SLC47A1: variants seen among roughly 807,000 people sequenced by gnomAD.
SLC47A1 encodes multidrug and toxin extrusion protein 1.
A neutral mutation model predicts 65.8 loss-of-function variants in SLC47A1; 58 were observed. That is an observed-to-expected ratio of 0.88 (90% confidence interval 0.71 to 1.10). The LOEUF is 1.10. Among genes scored for constraint, SLC47A1 ranks in the 50% least tolerant of loss-of-function variants. SLC47A1 has a pLI of 0.00. For missense variants in SLC47A1, 706 were observed against 719.2 expected (o/e 0.98, Z 0.21); for synonymous variants, 285 against 295.0 (o/e 0.97, Z 0.35).
intron 2 of SLC47A1, among the ~76,000 whole-genome samples, chr17:19,545,546 A>G (rs1916265660): frequency 6.6e-6 from 1 of 151,708 alleles, no homozygotes; most frequent in Non-Finnish European, 1.5e-5. Context: ...GCTAGAGTGC[A>G]GTGGTGCAAT....
At chr17:19,567,304 T>C in intron 14 of SLC47A1, 76 bp downstream of exon 14, 1 of 1,594,398 alleles carries the variant, frequency 6.3e-7, no homozygotes, top group Non-Finnish European at 8.6e-7. Flanking sequence ...CACGGGTCTT[T>C]GACTGAGGCT....
chr17:19,543,482 A>G (rs2152312657), intron 2 of SLC47A1, among the ~76,000 whole-genome samples: 1 of 152,294 alleles, frequency 6.6e-6, no homozygotes, highest in South Asian at 2.1e-4. Flanking sequence ...GGGAACAGTA[A>G]AAGGGGAGTT....
chr17:19,560,601 TCATATCAGTAAAAAGAAAA>T, intron 12 of SLC47A1, 108 bp downstream of exon 12: 1 of 1,133,308 alleles, frequency 8.8e-7, no homozygotes, highest in Non-Finnish European at 1.3e-6. Context: ...CTGTTTGAAA[TCATATCAGTAAAAAGAAAA>T]CATCTCACTC....
chr17:19,549,229 C>T (rs1197248765), intron 4 of SLC47A1, among the ~76,000 whole-genome samples: 5 of 151,438 alleles, frequency 3.3e-5, no homozygotes, highest in South Asian at 2.1e-4. Flanking sequence ...GATGGAGTCT[C>T]GCCCTGTTGC....
chr17:19,560,326 G>T (rs767737010), intron 11 of SLC47A1, 30 bp downstream of exon 11: 1 of 1,606,916 alleles, frequency 6.2e-7, no homozygotes, highest in Non-Finnish European at 8.5e-7. Flanking sequence ...CGAGGCTCTT[G>T]GTGCAGTCTC....
chr17:19,538,165 G>A (rs1322656597), intron 1 of SLC47A1, among the ~76,000 whole-genome samples: 1 of 152,266 alleles, frequency 6.6e-6, no homozygotes, highest in Non-Finnish European at 1.5e-5. Context: ...TGGGACGCAT[G>A]CTATCCCCGT....
chr17:19,563,983 C>T (rs935092756), intron 12 of SLC47A1, among the ~76,000 whole-genome samples: 7 of 133,804 alleles, frequency 5.2e-5, no homozygotes, highest in African/African-American at 1.1e-4. Context: ...AGCGAGACTC[C>T]GTCTCAGACA....
intron 1 of SLC47A1, among the ~76,000 whole-genome samples, chr17:19,537,550 G>A (rs1916023472): frequency 6.6e-6 from 1 of 152,242 alleles, no homozygotes; most frequent in East Asian, 1.9e-4. Flanking sequence ...GGAAAGCCGG[G>A]TGAGGTCCGG....
intron 2 of SLC47A1, among the ~76,000 whole-genome samples, chr17:19,543,072 A>T (rs1352280987): frequency 1.4e-5 from 2 of 141,368 alleles, no homozygotes; most frequent in African/African-American, 5.3e-5. Context: ...GATTACAGGT[A>T]TGAGCCACCG....
intron 16 of SLC47A1, among the ~76,000 whole-genome samples, chr17:19,575,308 A>C: frequency 6.6e-6 from 1 of 152,014 alleles, no homozygotes; most frequent in South Asian, 2.1e-4. Flanking sequence ...GCTCATTAGG[A>C]AGTGGGATGG....
At position 19,555,226 on chromosome 17, in the gene SLC47A1, C is replaced by T. The variant is rs750276621; in HGVS notation, c.558C>T (p.Pro186=). Reference sequence around the variant, plus strand: ...CCTTTTTCCAGGGAATTGTACTGCCCCAGATCGTAACTGGAGTTGCAGCCA... The same window carrying T: ...CCTTTTTCCAGGGAATTGTACTGCCTCAGATCGTAACTGGAGTTGCAGCCA... ...KYLLNQGIVL[P]QIVTGVAANL... is the part of the protein sequence containing the mutation. The change falls in exon 7 of 17, where the codon CCC becomes CCT. Residue 186 remains proline (P), a synonymous_variant. Transcript: ENST00000270570. The T allele has an allele frequency of 2.5e-6, 4 of 1,614,044 alleles. No homozygotes were observed. In the South Asian group the frequency reaches 3.3e-5, roughly 13 times the overall value.
At chr17:19,559,670 T>G (rs951799671) in intron 10 of SLC47A1, among the ~76,000 whole-genome samples, 1 of 152,164 alleles carries the variant, frequency 6.6e-6, no homozygotes, top group Non-Finnish European at 1.5e-5. Flanking sequence ...TAGCTGGGAT[T>G]ACAGGCGTGC....
intron 2 of SLC47A1, among the ~76,000 whole-genome samples, chr17:19,543,158 G>A (rs1011685656): frequency 6.7e-6 from 1 of 149,480 alleles, no homozygotes. Context: ...CACCCAGGCT[G>A]GAGTGCAGTG....
At position 19,567,200 on chromosome 17, in the gene SLC47A1, G is replaced by A. The variant is rs1479624390; in HGVS notation, c.1281G>A (p.Leu427=). ...TTGGCCTCCCCATCGGGATCGCGCTGATGTTTGCAACCACACTTGGAGTGA... is the reference window on the plus strand; with the variant it reads ...TTGGCCTCCCCATCGGGATCGCGCTAATGTTTGCAACCACACTTGGAGTGA... ...YVVGLPIGIA[L]MFATTLGVMG... The change falls in exon 14 of 17, where the codon CTG becomes CTA. Residue 427 remains leucine (L), a synonymous_variant. Transcript: ENST00000270570. 6.2e-7 allele frequency: 1 copy of A among 1,614,198 alleles called. No homozygotes were observed. Among genetic ancestry groups the A allele is most frequent in the South Asian group, 1.1e-5 (1 of 91,082 alleles).
At chr17:19,560,053 A>C in intron 10 of SLC47A1, 135 bp from the exon 11 acceptor site, 33 of 620,128 alleles carry the variant, frequency 5.3e-5, no homozygotes, top group Middle Eastern at 4.4e-4. Flanking sequence ...GACAAAGGGG[A>C]TGTTGCAAAT....
intron 10 of SLC47A1, chr17:19,557,640 G>A (rs768171231): frequency 1.2e-5 from 6 of 517,634 alleles, no homozygotes; most frequent in Admixed American, 3.9e-5. Flanking sequence ...GCCTCACAAC[G>A]TTTGTGCCTC....
rs559346507 is a variant in SLC47A1 at position 19,544,683 on chromosome 17, C to T, written c.238-1752C>T. ...CTCCCAGTGCCCCCCAGGGTACGGA[C>T]GCAGGCCATGCTAGGTCTCCAGCAG... is the stretch of plus-strand genomic sequence containing the variant. On this transcript the variant is annotated intron_variant, in intron 2 of 16. Coordinates refer to ENST00000270570, the MANE Select transcript of SLC47A1 (RefSeq NM_018242.3). Among the ~76,000 whole-genome samples the T allele has an allele frequency of 7.2e-5, 11 of 152,340 alleles. No homozygotes were observed. The South Asian group carries it at 1.0e-3, about 14-fold the overall frequency.
chr17:19,555,903 C>G lies in SLC47A1; in HGVS notation c.847C>G (p.Leu283Val). The change falls in exon 9 of 17, where the codon CTC becomes GTC. Residue 283 changes from leucine (L) to valine (V), a missense_variant. Coordinates refer to ENST00000270570, the MANE Select transcript of SLC47A1 (RefSeq NM_018242.3). ...GTGGGCCTATGAGGTCGGGAGCTTCCTCAGTGGTCTGTATGAGGATGGATG... is the reference window on the plus strand; with the variant it reads ...GTGGGCCTATGAGGTCGGGAGCTTCGTCAGTGGTCTGTATGAGGATGGATG... ...EWWAYEVGSF[L>V]SGILGMVELG... is the part of the protein sequence containing the mutation. 6.2e-7 allele frequency: 1 copy of G among 1,614,088 alleles called. No individual in the cohort carries two copies. The highest frequency in any genetic ancestry group is 8.5e-7 in the Non-Finnish European group (1 of 1,180,022).
intron 12 of SLC47A1, among the ~76,000 whole-genome samples, chr17:19,561,362 G>A (rs918771433): frequency 2.6e-5 from 4 of 151,960 alleles, no homozygotes; most frequent in Admixed American, 2.0e-4. Flanking sequence ...TCAGAGGCTC[G>A]GCCGGGCGCG....
Sources: gnomAD v4.1 joint callset for allele counts (sites outside exome capture counted in the v4.1 genomes callset) on GRCh38, gnomAD v4.1.1 for gene constraint, MANE v1.5 for transcripts, NCBI Gene and HGNC (gene_info 2026-07-23, HGNC 2026-07-21) for gene names.